Variants in GRB10 observed in about 807,000 individuals in gnomAD.
GRB10 encodes the protein growth factor receptor bound protein 10.
In GRB10, 20 loss-of-function variants were observed where a neutral mutation model predicts 80.9. The observed-to-expected ratio is 0.25, with a 90% CI of 0.17 to 0.36. The LOEUF (loss-of-function observed/expected upper bound fraction) is 0.36, where lower values mean the gene tolerates loss of function less well. Ranked by LOEUF, GRB10 falls within the 10% of genes least tolerant of loss-of-function variation. The pLI, the probability that GRB10 is intolerant of heterozygous loss-of-function variation, is 1.00. For missense variants in GRB10, 548 were observed against 747.7 expected (o/e 0.73, Z 3.12); for synonymous variants, 291 against 291.5 (o/e 1.00, Z 0.02).
intron 4 of GRB10, among the ~76,000 whole-genome samples, chr7:50,715,442 G>A (rs943492202): frequency 6.6e-6 from 1 of 152,138 alleles, no homozygotes; most frequent in Non-Finnish European, 1.5e-5. Flanking sequence ...CCAAACTCGG[G>A]CAGCCATTAC....
rs115811301 is a variant in GRB10, at chr7:50,772,604, A to G, written c.-217+8023T>C. ...AGCAATTAAGTAAGAAAAAGAAATG[A>G]AAGCCATCCAAATTGGAAAGGAAGA... On this transcript the variant is annotated intron_variant, in intron 2 of 18. Transcript: ENST00000401949. 9.7e-3 allele frequency among the ~76,000 whole-genome samples: 1,485 copies of G among 152,362 alleles called. 30 individuals carry two copies. Among genetic ancestry groups the G allele is most frequent in the African/African-American group, 0.032 (1,347 of 41,580 alleles).
chr7:50,745,492 T>C (rs572369762), intron 3 of GRB10, among the ~76,000 whole-genome samples: 54 of 152,188 alleles, frequency 3.5e-4, no homozygotes, highest in Non-Finnish European at 6.5e-4. Flanking sequence ...ACAATTGCCA[T>C]GACAACACAT....
intron 7 of GRB10, among the ~76,000 whole-genome samples, chr7:50,639,476 T>C (rs887240723): frequency 3.1e-4 from 47 of 150,764 alleles, no homozygotes; most frequent in Non-Finnish European, 2.2e-4. Flanking sequence ...GAGATCGAGA[T>C]CATCCTGGCT....
intron 7 of GRB10, among the ~76,000 whole-genome samples, chr7:50,666,589 T>C (rs2059827446): frequency 6.6e-6 from 1 of 152,106 alleles, no homozygotes; most frequent in Non-Finnish European, 1.5e-5. Context: ...ACTGCCACTC[T>C]CCCACCCTGT....
At chr7:50,615,796 G>A (rs745547899) in intron 11 of GRB10, among the ~76,000 whole-genome samples, 1 of 152,212 alleles carries the variant, frequency 6.6e-6, no homozygotes, top group Non-Finnish European at 1.5e-5. Context: ...GGGGATACAT[G>A]CAAGCCTGCA....
At chr7:50,617,926 C>CG (rs1202257666) in intron 10 of GRB10, 145 bp downstream of exon 10, 21 of 755,372 alleles carry the variant, frequency 2.8e-5, no homozygotes, top group Middle Eastern at 4.6e-4. Context: ...AACCCTCCCC[C>CG]CAACCACCCC....
intron 2 of GRB10, among the ~76,000 whole-genome samples, chr7:50,766,418 C>T (rs2076342550): frequency 6.6e-6 from 1 of 152,094 alleles, no homozygotes; most frequent in African/African-American, 2.4e-5. Context: ...ATTTTCTTTT[C>T]TTTTTCTTCC....
chr7:50,640,012 T>C (rs113309747), intron 7 of GRB10, among the ~76,000 whole-genome samples: 45 of 152,334 alleles, frequency 3.0e-4, no homozygotes, highest in African/African-American at 1.1e-3. Flanking sequence ...AAGTATGGCA[T>C]GAAAGGCATC....
Position 50,782,368 on chromosome 7 carries a change from G to A in GRB10, c.-327+56C>T, listed in dbSNP as rs1562712278. ...GCCGATCCGCCCGCCGCCCCGGCTC[G>A]CGCCCACCGCCCACCGCCCACCGCC... On this transcript the variant is annotated intron_variant, in intron 1 of 18. Coordinates refer to ENST00000401949, the MANE Select transcript of GRB10 (RefSeq NM_001350814.2). This position sits in a 1 kb window ranked among gnomAD's most constrained non-coding sequence, Gnocchi z 6.6. 6.8e-6 allele frequency: 1 copy of A among 148,028 alleles called. No homozygotes were observed. The highest frequency in any genetic ancestry group is 2.4e-5 in the African/African-American group (1 of 40,892). 9.2% of individuals were successfully genotyped at this position (148,028 alleles called of 1,614,324 possible). A position where few individuals can be genotyped will look rare whatever the true frequency, so the allele number is the denominator to read the frequency against.
At chr7:50,708,676 T>A (rs960622647) in intron 4 of GRB10, among the ~76,000 whole-genome samples, 1 of 15,412 alleles carries the variant, frequency 6.5e-5, no homozygotes, top group Non-Finnish European at 5.2e-4. Context: ...TGAGTCTGTT[T>A]TTTTTTTTTT....
At chr7:50,697,994 C>T (rs1305435748) in intron 5 of GRB10, among the ~76,000 whole-genome samples, 1 of 152,238 alleles carries the variant, frequency 6.6e-6, no homozygotes, top group African/African-American at 2.4e-5. Flanking sequence ...TTCCATCTAA[C>T]AGCCCTCAGA....
chr7:50,786,462 T>G (rs929138388), upstream of GRB10, among the ~76,000 whole-genome samples: 2 of 152,110 alleles, frequency 1.3e-5, no homozygotes, highest in African/African-American at 4.8e-5. Flanking sequence ...GAGAATATCC[T>G]ACAAGTGTCC....
intron 4 of GRB10, chr7:50,711,016 T>G: frequency 1.1e-6 from 1 of 887,696 alleles, no homozygotes; most frequent in Non-Finnish European, 1.9e-6. Context: ...GAAGGCACAC[T>G]TAATAACTCC....
At chr7:50,744,555 T>C (rs146310066) in intron 3 of GRB10, among the ~76,000 whole-genome samples, 2 of 152,362 alleles carry the variant, frequency 1.3e-5, no homozygotes, top group African/African-American at 2.4e-5. Context: ...GTATGTCATA[T>C]AGTTATTACA....
In GRB10 at chr7:50,754,051, G is replaced by A. The variant is rs183404935; in HGVS notation, c.-47+1836C>T. Among the ~76,000 whole-genome samples, 395 of 152,344 alleles carry A rather than the reference G, an allele frequency of 2.6e-3. 2 individuals carry two copies. The highest frequency in any genetic ancestry group is 4.2e-3 in the Non-Finnish European group (288 of 68,038). ...TCACCAATGAAGGATCTTGGGCAAT[G>A]CAAAGGGGCAGACGGGTCCAAGGAG... On this transcript the variant is annotated intron_variant, in intron 3 of 18. Transcript: ENST00000401949.
intron 7 of GRB10, 144 bp from the exon 8 acceptor site, chr7:50,627,122 C>A: frequency 1.2e-6 from 1 of 808,812 alleles, no homozygotes; most frequent in East Asian, 2.5e-5. Context: ...CAACAGGTCC[C>A]CACCAGCTGC....
At chr7:50,628,125 A>G (rs1379801778) in intron 7 of GRB10, among the ~76,000 whole-genome samples, 1 of 152,186 alleles carries the variant, frequency 6.6e-6, no homozygotes, top group Non-Finnish European at 1.5e-5. Flanking sequence ...ACCCCCGCTC[A>G]ATGCTTTCCC....
In GRB10 at chr7:50,676,344, G is replaced by GGGGGCGGGGGC. The variant is rs1563400744; in HGVS notation, c.140-1687_140-1686insGCCCCCGCCCC. ...ATAGTGTCCACCCCACCGGGGGGGG[G>GGGGGCGGGGGC]GGGGGGTTGTAAGGACTAGGTTAGT... is the stretch of plus-strand genomic sequence containing the variant. On this transcript the variant is annotated intron_variant, in intron 5 of 18. Coordinates refer to ENST00000401949, the MANE Select transcript of GRB10 (RefSeq NM_001350814.2). 1.2e-4 allele frequency among the ~76,000 whole-genome samples: 17 copies of GGGGGCGGGGGC among 136,004 alleles called. 1 individual carries two copies. The highest frequency in any genetic ancestry group is 2.5e-4 in the South Asian group (1 of 3,976). 89.2% of individuals were successfully genotyped at this position (136,004 alleles called of 152,430 possible).
At chr7:50,721,251 C>T (rs2067683832) in intron 4 of GRB10, among the ~76,000 whole-genome samples, 1 of 152,202 alleles carries the variant, frequency 6.6e-6, no homozygotes, top group Admixed American at 6.5e-5. Context: ...AATAATTCAT[C>T]AGTTTCACAC....
Sources: gnomAD v4.1 joint callset for allele counts (sites outside exome capture counted in the v4.1 genomes callset) on GRCh38, gnomAD v4.1.1 for gene constraint, Gnocchi (gnomAD v3.1) non-coding constraint, MANE v1.5 for transcripts, NCBI Gene and HGNC (gene_info 2026-07-23, HGNC 2026-07-21) for gene names.